The following DHRS3 variants were observed in gnomAD, a reference collection of about 807,000 sequenced individuals.
The protein encoded by DHRS3 is dehydrogenase/reductase 3, also known as short-chain dehydrogenase/reductase 3.
Under a neutral mutation model 27.2 loss-of-function variants are expected in DHRS3, and 14 were observed. That is an observed-to-expected ratio of 0.52 (90% CI 0.34 to 0.81). The LOEUF (loss-of-function observed/expected upper bound fraction) is 0.81. Among genes scored for constraint, DHRS3 ranks in the 30% least tolerant of loss-of-function variants. DHRS3 has a pLI of 0.01. For synonymous variants in DHRS3, 165 were observed against 175.9 expected (o/e 0.94, Z 0.49); for missense variants, 322 against 406.2 (o/e 0.79, Z 1.78).
chr1:12,592,586 G>A lies in DHRS3; in HGVS notation c.196-11920C>T, dbSNP rs1002266344. Among the ~76,000 whole-genome samples, 3 of 152,196 alleles carry A rather than the reference G, an allele frequency of 2.0e-5. No homozygotes were observed. The highest frequency in any genetic ancestry group is 7.2e-5 in the African/African-American group (3 of 41,446). ...CCTTCCCTAGAGCCCGGGAGGGAGTGGGGCCCTGCTGACACCTGGAGTTTG... is the reference window on the plus strand; with the variant it reads ...CCTTCCCTAGAGCCCGGGAGGGAGTAGGGCCCTGCTGACACCTGGAGTTTG... On this transcript the variant is annotated intron_variant, in intron 1 of 5. Coordinates refer to ENST00000616661, the MANE Select transcript of DHRS3 (RefSeq NM_004753.7). The surrounding 1 kb of genome is among the most constrained non-coding windows in gnomAD (Gnocchi z 4.2).
chr1:12,587,620 T>C (rs1426946119), intron 1 of DHRS3, among the ~76,000 whole-genome samples: 4 of 152,024 alleles, frequency 2.6e-5, no homozygotes, highest in Non-Finnish European at 5.9e-5. Context: ...GGTGGGAGGA[T>C]TGCTTGAGCC....
At chr1:12,616,607 C>G (rs1425688358) in intron 1 of DHRS3, 2 of 986,558 alleles carry the variant, frequency 2.0e-6, no homozygotes, top group Non-Finnish European at 2.4e-6. Flanking sequence ...CTCTCAGTGT[C>G]GGTCCGGCCA....
intron 1 of DHRS3, among the ~76,000 whole-genome samples, chr1:12,584,769 G>A (rs1044743326): frequency 3.9e-5 from 6 of 152,198 alleles, no homozygotes; most frequent in Non-Finnish European, 8.8e-5. Context: ...GCAAGGCTTC[G>A]GTCTCAGACG....
chr1:12,616,831 G>A (rs1646947815), intron 1 of DHRS3: 2 of 1,061,704 alleles, frequency 1.9e-6, no homozygotes, highest in Admixed American at 4.2e-5. Flanking sequence ...GGGAAGGCGG[G>A]GGAGGGGGGC....
At chr1:12,573,437 C>T (rs79708184) in intron 4 of DHRS3, among the ~76,000 whole-genome samples, 6,407 of 152,324 alleles carry the variant, frequency 0.042, 193 homozygotes, top group East Asian at 0.17. Context: ...GGCCTGTCTC[C>T]GCCATCAGGC....
intron 3 of DHRS3, 107 bp downstream of exon 3, chr1:12,579,186 C>A: frequency 6.4e-7 from 1 of 1,574,024 alleles, no homozygotes; most frequent in Non-Finnish European, 8.7e-7. Context: ...TGTTCGTGGA[C>A]ATCCCTGCTG....
chr1:12,615,368 TCTAATTGGCCCTGG>T (rs1646938132), intron 1 of DHRS3, among the ~76,000 whole-genome samples: 1 of 152,174 alleles, frequency 6.6e-6, no homozygotes, highest in African/African-American at 2.4e-5. Context: ...AAGACACATT[TCTAATTGGCCCTGG>T]CTGGATTCCC....
At chr1:12,579,566 C>A (rs980702805) in intron 2 of DHRS3, among the ~76,000 whole-genome samples, 154 bp from the exon 3 acceptor site, 2 of 152,232 alleles carry the variant, frequency 1.3e-5, no homozygotes, top group African/African-American at 4.8e-5. Context: ...ACCTCCGCCT[C>A]CTGGGTTCAA....
chr1:12,595,268 C>G (rs950782490), intron 1 of DHRS3, among the ~76,000 whole-genome samples: 5 of 152,198 alleles, frequency 3.3e-5, no homozygotes, highest in Non-Finnish European at 7.3e-5. Flanking sequence ...CTGCAGCCGG[C>G]TCGGTGCGCG....
intron 1 of DHRS3, among the ~76,000 whole-genome samples, chr1:12,606,741 C>T (rs57676900): frequency 0.11 from 16,953 of 151,928 alleles, 1,046 homozygotes; most frequent in East Asian, 0.25. Flanking sequence ...GTGATCCGCC[C>T]GCCTCAGCCT....
At chr1:12,603,308 A>G (rs1284570121) in intron 1 of DHRS3, among the ~76,000 whole-genome samples, 2 of 152,256 alleles carry the variant, frequency 1.3e-5, no homozygotes, top group East Asian at 1.9e-4. Context: ...AGAAGGGTCC[A>G]TCGAGGAGAG....
At position 12,579,224 on chromosome 1, in the gene DHRS3, C is replaced by T. The variant is rs1646621701; in HGVS notation, c.459+69G>A. 28 of 1,611,612 alleles carry T rather than the reference C, an allele frequency of 1.7e-5. No homozygotes were observed. The East Asian group carries it at 6.2e-4, about 36-fold the overall frequency. On this transcript the variant is annotated intron_variant, in intron 3 of 5. Transcript: ENST00000616661. ...CTGAGCCCAAGCCCTGGCAAATCAT[C>T]CCCTCCCCTCCATCCTGCCTGGGCT... is the stretch of plus-strand genomic sequence containing the variant.
intron 4 of DHRS3, among the ~76,000 whole-genome samples, chr1:12,573,813 G>C (rs1383975302): frequency 6.6e-6 from 1 of 152,224 alleles, no homozygotes; most frequent in Admixed American, 6.5e-5. Flanking sequence ...CTACGTGCCA[G>C]ACTCATGTAC....
chr1:12,590,136 G>A (rs1646733131), intron 1 of DHRS3, among the ~76,000 whole-genome samples: 1 of 152,076 alleles, frequency 6.6e-6, no homozygotes. Context: ...AGCTGCGGGG[G>A]GATTTCTTAG....
intron 4 of DHRS3, among the ~76,000 whole-genome samples, chr1:12,575,826 C>T (rs890450515): frequency 1.3e-5 from 2 of 152,104 alleles, no homozygotes; most frequent in Non-Finnish European, 2.9e-5. Flanking sequence ...CCTGCCTCAG[C>T]CTCCTGAGTA....
At chr1:12,609,904 G>T (rs1360470166) in intron 1 of DHRS3, among the ~76,000 whole-genome samples, 1 of 152,124 alleles carries the variant, frequency 6.6e-6, no homozygotes, top group Non-Finnish European at 1.5e-5. Flanking sequence ...TTCCTGGAAT[G>T]CTACTGCTCC....
chr1:12,601,535 C>A (rs556907946), intron 1 of DHRS3, among the ~76,000 whole-genome samples: 3 of 152,224 alleles, frequency 2.0e-5, no homozygotes, highest in East Asian at 3.9e-4. Context: ...CCAAAGTCAG[C>A]CCTACCCAGG....
At chr1:12,590,012 T>A (rs1251852221) in intron 1 of DHRS3, among the ~76,000 whole-genome samples, 1 of 152,070 alleles carries the variant, frequency 6.6e-6, no homozygotes, top group Non-Finnish European at 1.5e-5. Flanking sequence ...AACCACAGAA[T>A]CTTGCTATTT....
chr1:12,609,051 C>G (rs2100721563), intron 1 of DHRS3, among the ~76,000 whole-genome samples: 1 of 152,346 alleles, frequency 6.6e-6, no homozygotes. Context: ...GCATCTCCTT[C>G]ATTCTAAGCA....
Sources: gnomAD v4.1 joint callset for allele counts (sites outside exome capture counted in the v4.1 genomes callset) on GRCh38, gnomAD v4.1.1 for gene constraint, Gnocchi (gnomAD v3.1) non-coding constraint, MANE v1.5 for transcripts, NCBI Gene and HGNC (gene_info 2026-07-23, HGNC 2026-07-21) for gene names.